Variants in CSMD1 observed in about 807,000 individuals in gnomAD.
CSMD1 encodes CUB and sushi domain-containing protein 1.
Under a neutral mutation model 417.5 loss-of-function variants are expected in CSMD1, and 213 were observed. The observed-to-expected ratio is 0.51, with a 90% CI of 0.46 to 0.57. The LOEUF (loss-of-function observed/expected upper bound fraction) is 0.57. CSMD1 is among the 20% of genes least tolerant of loss of function. The pLI, the probability that CSMD1 is intolerant of heterozygous loss-of-function variation, is 0.00. For missense variants in CSMD1, 6,923 were observed against 4,529.7 expected (o/e 1.53, Z -15.17); for synonymous variants, 2,862 against 1,736.8 (o/e 1.65, Z -16.11).
intron 1 of CSMD1, among the ~76,000 whole-genome samples, chr8:4,818,866 G>C (rs562449532): frequency 2.0e-5 from 3 of 152,278 alleles, no homozygotes; most frequent in Non-Finnish European, 2.9e-5. Context: ...GATAAGAAAA[G>C]TTAAACTGTT....
rs1322588307 is a variant in CSMD1 at position 4,179,725 on chromosome 8, T to C, written c.416-147626A>G. Among the ~76,000 whole-genome samples, 10 of 130,714 alleles carry C rather than the reference T, an allele frequency of 7.7e-5. No homozygotes were observed. In the East Asian group the frequency reaches 2.1e-3, roughly 27 times the overall value. 85.8% of individuals were successfully genotyped at this position (130,714 alleles called of 152,430 possible). ...AGAATCTACAATGAACTCCAACAAA[T>C]TTACAAGAAAAAAACAAACAACCCC... On this transcript the variant is annotated intron_variant, in intron 3 of 69. Transcript: ENST00000635120.
chr8:4,462,424 T>A lies in CSMD1; in HGVS notation c.303-42359A>T, dbSNP rs543556970. Among the ~76,000 whole-genome samples the A allele has an allele frequency of 9.2e-5, 14 of 152,224 alleles. No homozygotes were observed. In the South Asian group the frequency reaches 2.9e-3, roughly 32 times the overall value. ...AGATAAGATGGCAATACTCCCCAAA[T>A]TGATTAGCAAATTTAACATAATTCC... is the stretch of plus-strand genomic sequence containing the variant. On this transcript the variant is annotated intron_variant, in intron 2 of 69. Coordinates refer to ENST00000635120, the MANE Select transcript of CSMD1 (RefSeq NM_033225.6).
chr8:4,455,802 G>A (rs752928077), intron 2 of CSMD1, among the ~76,000 whole-genome samples: 18 of 151,130 alleles, frequency 1.2e-4, no homozygotes, highest in African/African-American at 3.9e-4. Flanking sequence ...GTGGTGGCAT[G>A]TGCCTGGAAT....
intron 1 of CSMD1, among the ~76,000 whole-genome samples, chr8:4,733,271 T>C (rs1193452505): frequency 1.3e-5 from 2 of 152,182 alleles, no homozygotes; most frequent in Non-Finnish European, 2.9e-5. Flanking sequence ...ATCAACAATA[T>C]GCAGAAGGAA....
intron 2 of CSMD1, among the ~76,000 whole-genome samples, chr8:4,492,821 T>G (rs1801773779): frequency 6.6e-6 from 1 of 152,208 alleles, no homozygotes; most frequent in Non-Finnish European, 1.5e-5. Flanking sequence ...AGTAATTTAC[T>G]CCAGATGCTG....
intron 2 of CSMD1, among the ~76,000 whole-genome samples, chr8:4,536,244 C>G (rs564808660): frequency 1.8e-4 from 28 of 151,826 alleles, no homozygotes; most frequent in Non-Finnish European, 3.4e-4. Flanking sequence ...TTATGTGAAA[C>G]CATATACACA....
At position 3,028,806 on chromosome 8, in the gene CSMD1, G is replaced by A. The variant is rs185654340; in HGVS notation, c.7855+513C>T. On this transcript the variant is annotated intron_variant, in intron 51 of 69. Transcript: ENST00000635120. ...GTATACTAGACACATCTGATTCAGA[G>A]TGCTCTGAACAATACTAGCATTGTT... 2.0e-5 allele frequency among the ~76,000 whole-genome samples: 3 copies of A among 152,268 alleles called. No homozygotes were observed. The East Asian group carries it at 5.8e-4, about 29-fold the overall frequency.
chr8:3,187,671 T>G (rs1053625455), intron 36 of CSMD1, among the ~76,000 whole-genome samples, 198 bp downstream of exon 36: 2 of 152,176 alleles, frequency 1.3e-5, no homozygotes, highest in East Asian at 1.9e-4. Context: ...CTCCTCCTCG[T>G]GGAGAACACA....
At chr8:4,387,708 G>A (rs537717150) in intron 3 of CSMD1, among the ~76,000 whole-genome samples, 1 of 151,262 alleles carries the variant, frequency 6.6e-6, no homozygotes, top group Non-Finnish European at 1.5e-5. Context: ...TGAGGCAATA[G>A]TACTTTATTT....
intron 11 of CSMD1, among the ~76,000 whole-genome samples, chr8:3,481,804 C>A (rs1270246013): frequency 6.6e-6 from 1 of 152,130 alleles, no homozygotes; most frequent in African/African-American, 2.4e-5. Context: ...ATGAATTCTT[C>A]CCCAGGGCCT....
intron 3 of CSMD1, among the ~76,000 whole-genome samples, chr8:4,078,494 G>T (rs180777806): frequency 6.6e-6 from 1 of 151,540 alleles, no homozygotes; most frequent in African/African-American, 2.4e-5. Flanking sequence ...TCGATCTCCT[G>T]ACCTTGTGAT....
chr8:2,970,041 AT>A (rs1162025088), intron 57 of CSMD1, among the ~76,000 whole-genome samples: 3 of 152,054 alleles, frequency 2.0e-5, no homozygotes. Flanking sequence ...TAAGTTTCTA[AT>A]TTTTTTTCAT....
At chr8:4,132,333 A>G (rs1803160854) in intron 3 of CSMD1, among the ~76,000 whole-genome samples, 1 of 152,160 alleles carries the variant, frequency 6.6e-6, no homozygotes, top group African/African-American at 2.4e-5. Flanking sequence ...AAAGGAGAAT[A>G]TAAATGTCCT....
chr8:4,195,293 T>C (rs913094737), intron 3 of CSMD1, among the ~76,000 whole-genome samples: 1 of 152,120 alleles, frequency 6.6e-6, no homozygotes, highest in Admixed American at 6.6e-5. Context: ...AGTTCCACAA[T>C]CATAATATTA....
At chr8:4,901,093 G>A (rs1209194384) in intron 1 of CSMD1, among the ~76,000 whole-genome samples, 2 of 152,168 alleles carry the variant, frequency 1.3e-5, no homozygotes, top group Admixed American at 1.3e-4. Context: ...TTATTATTTT[G>A]GGCAACAGTA....
At chr8:3,945,252 A>G (rs1158108569) in intron 5 of CSMD1, among the ~76,000 whole-genome samples, 3 of 151,968 alleles carry the variant, frequency 2.0e-5, no homozygotes, top group Admixed American at 6.6e-5. Context: ...AAATTAATAT[A>G]AGCTGAACAA....
chr8:4,262,175 G>C (rs1803933422), intron 3 of CSMD1, among the ~76,000 whole-genome samples: 1 of 152,102 alleles, frequency 6.6e-6, no homozygotes, highest in Admixed American at 6.5e-5. Flanking sequence ...AGAGTCATTT[G>C]CTTTTGACTC....
At chr8:3,439,371 T>C (rs1469866798) in intron 12 of CSMD1, among the ~76,000 whole-genome samples, 1 of 145,900 alleles carries the variant, frequency 6.9e-6, no homozygotes, top group East Asian at 2.0e-4. Context: ...TAATAGCTCA[T>C]TTTTGTCTTA....
chr8:3,464,206 G>C (rs62473731), intron 12 of CSMD1, among the ~76,000 whole-genome samples: 1 of 151,928 alleles, frequency 6.6e-6, no homozygotes, highest in Non-Finnish European at 1.5e-5. Flanking sequence ...AACTCGAACC[G>C]AATTTTTTTT....
Sources: gnomAD v4.1 joint callset for allele counts (sites outside exome capture counted in the v4.1 genomes callset) on GRCh38, gnomAD v4.1.1 for gene constraint, MANE v1.5 for transcripts, NCBI Gene and HGNC (gene_info 2026-07-23, HGNC 2026-07-21) for gene names.